Variants in SLC26A3 observed in about 807,000 individuals in gnomAD.
The protein encoded by SLC26A3 is solute carrier family 26 member 3, also known as chloride anion exchanger.
In SLC26A3, 64 loss-of-function variants were observed where a neutral mutation model predicts 85.6. The ratio of observed to expected loss-of-function variants is 0.75; its 90% CI spans 0.61 to 0.92. The LOEUF (loss-of-function observed/expected upper bound fraction) is 0.92. Ranked by LOEUF, SLC26A3 falls within the 40% of genes least tolerant of loss-of-function variation. The probability of loss-of-function intolerance (pLI) is 0.00; values close to 1 mark genes in which losing one functional copy is unlikely to be tolerated. For synonymous variants in SLC26A3, 349 were observed against 336.0 expected (o/e 1.04, Z -0.42); for missense variants, 922 against 927.3 (o/e 0.99, Z 0.07).
Position 107,767,805 on chromosome 7 carries a change from C to T in SLC26A3, c.2166G>A (p.Met722Ile). Residue 722 changes from methionine (M) to isoleucine (I), a missense_variant, in exon 19 of 21, where the codon ATG becomes ATA. Physicochemically the swap from Met to Ile is conservative, Grantham distance 10. Transcript: ENST00000340010. ...ACTTTGAAGTACTGTAATCTTTCTT[C>T]ATCAAAATATGCAAAACAGCATCAT... ...TIHDAVLHIL[M>I]KKDYSTSKFN... The T allele has an allele frequency of 6.2e-7, 1 of 1,613,736 alleles. No homozygotes were observed. Among genetic ancestry groups the T allele is most frequent in the Non-Finnish European group, 8.5e-7 (1 of 1,179,806 alleles).
intron 6 of SLC26A3, among the ~76,000 whole-genome samples, chr7:107,789,142 A>C (rs1334417110): frequency 7.9e-6 from 1 of 126,278 alleles, no homozygotes; most frequent in African/African-American, 3.0e-5. Flanking sequence ...TTGAGACAAG[A>C]GTCTCACTGT....
chr7:107,786,684 C>T (rs1274077387), intron 8 of SLC26A3, 143 bp downstream of exon 8: 4 of 780,310 alleles, frequency 5.1e-6, no homozygotes, highest in African/African-American at 1.7e-5. Flanking sequence ...AGCAGTGAGC[C>T]TTCCTTAGGG....
intron 1 of SLC26A3, among the ~76,000 whole-genome samples, chr7:107,797,941 C>A (rs1413631530): frequency 6.6e-6 from 1 of 151,934 alleles, no homozygotes; most frequent in African/African-American, 2.4e-5. Flanking sequence ...AATATTACGC[C>A]CATATTAATG....
Position 107,765,620 on chromosome 7 carries a change from CA to C in SLC26A3, c.*234del. 2.1e-6 allele frequency: 1 copy of C among 479,232 alleles called. No homozygotes were observed. Among genetic ancestry groups the C allele is most frequent in the Non-Finnish European group, 3.7e-6 (1 of 269,392 alleles). 29.7% of individuals were successfully genotyped at this position (479,232 alleles called of 1,614,324 possible). A position where few individuals can be genotyped will look rare whatever the true frequency, so the allele number is the denominator to read the frequency against. The stretch of plus-strand genomic sequence containing the variant: ...TCAGTGCTACAAAAATATGTATGAA[CA>C]AAATAATTTTCACCCTTTGATAAAG... On this transcript the variant is annotated 3_prime_UTR_variant, in exon 21 of 21. Coordinates refer to ENST00000340010, the MANE Select transcript of SLC26A3 (RefSeq NM_000111.3).
At chr7:107,771,305 C>T (rs569581923) in intron 18 of SLC26A3, among the ~76,000 whole-genome samples, 1 of 152,188 alleles carries the variant, frequency 6.6e-6, no homozygotes, top group South Asian at 2.1e-4. Context: ...CATCCACAGT[C>T]GAGTCCATTG....
chr7:107,795,787 G>A (rs10953548), intron 1 of SLC26A3, among the ~76,000 whole-genome samples: 67,786 of 151,624 alleles, frequency 0.45, 15,970 homozygotes, highest in African/African-American at 0.58. Context: ...TTGTTCCTCA[G>A]CTTCAATCAC....
At chr7:107,776,899 C>G (rs766143495) in intron 13 of SLC26A3, 193 bp from the exon 14 acceptor site, 54 of 644,772 alleles carry the variant, frequency 8.4e-5, no homozygotes, top group Non-Finnish European at 1.3e-4. Context: ...CTCACAGCAC[C>G]TGAAAAGTGC....
At chr7:107,778,371 T>TTTTTTTTTTA (rs1794156802) in intron 12 of SLC26A3, 90 bp from the exon 13 acceptor site, 1 of 866,072 alleles carries the variant, frequency 1.2e-6, no homozygotes, top group African/African-American at 1.8e-5. Flanking sequence ...TTTTTTTTTT[T>TTTTTTTTTTA]TTTTTTGTAG....
intron 1 of SLC26A3, among the ~76,000 whole-genome samples, chr7:107,797,499 A>ACAAAG (rs1794527214): frequency 1.3e-5 from 1 of 79,856 alleles, no homozygotes; most frequent in African/African-American, 5.5e-5. Flanking sequence ...GTCTCAAAAA[A>ACAAAG]TAAAGAAAAG....
intron 15 of SLC26A3, chr7:107,776,040 A>C: frequency 7.5e-6 from 2 of 268,278 alleles, no homozygotes; most frequent in Non-Finnish European, 1.4e-5. Flanking sequence ...ATTGTTATTC[A>C]GTATTAACTA....
At chr7:107,796,147 G>A (rs114230023) in intron 1 of SLC26A3, among the ~76,000 whole-genome samples, 509 of 151,792 alleles carry the variant, frequency 3.4e-3, no homozygotes, top group African/African-American at 0.011. Context: ...TCTCACTGTC[G>A]CTTGGGGTAG....
At chr7:107,776,007 T>A in intron 15 of SLC26A3, 1 of 229,074 alleles carries the variant, frequency 4.4e-6, no homozygotes, top group East Asian at 1.1e-4. Flanking sequence ...ATCTCTCCAG[T>A]TTGCCAGGGA....
chr7:107,802,059 T>A (rs998797908), intron 1 of SLC26A3, among the ~76,000 whole-genome samples: 1 of 142,782 alleles, frequency 7.0e-6, no homozygotes, highest in South Asian at 2.2e-4. Context: ...GCCACTGCAC[T>A]CCAGCCTGGG....
intron 8 of SLC26A3, 82 bp from the exon 9 acceptor site, chr7:107,783,434 T>C: frequency 6.7e-7 from 1 of 1,495,476 alleles, no homozygotes; most frequent in Non-Finnish European, 9.3e-7. Context: ...AATGAATGAA[T>C]GCAATCTAGG....
chr7:107,768,462 A>T (rs1793952535), intron 18 of SLC26A3, among the ~76,000 whole-genome samples: 1 of 152,212 alleles, frequency 6.6e-6, no homozygotes, highest in Non-Finnish European at 1.5e-5. Context: ...ACCAACTATT[A>T]CCTTATGTCT....
In SLC26A3 at chr7:107,791,917, C is replaced by T. The variant is rs150004100; in HGVS notation, c.295G>A (p.Asp99Asn). 74 of 1,612,912 alleles carry T rather than the reference C, an allele frequency of 4.6e-5. No homozygotes were observed. The highest frequency in any genetic ancestry group is 1.2e-4 in the Admixed American group (7 of 59,990). ...TACAACCCATAGACTGGGGGAATGTCGACCAGCAGAGCAAATGCTAAACCT... is the reference window on the plus strand; with the variant it reads ...TACAACCCATAGACTGGGGGAATGTTGACCAGCAGAGCAAATGCTAAACCT... ...LQGLAFALLVDIPPVYGLYAS... is the reference protein window; with the variant it reads ...LQGLAFALLVNIPPVYGLYAS... The change falls in exon 4 of 21, where the codon GAC becomes AAC. Residue 99 changes from aspartate (D) to asparagine (N), a missense_variant. Asp to Asn is a conservative substitution (Grantham distance 23). Transcript: ENST00000340010.
Position 107,789,635 on chromosome 7 carries a change from G to A in SLC26A3, c.624C>T (p.Ser208=). The A allele has an allele frequency of 3.1e-6, 5 of 1,613,974 alleles. No individual in the cohort carries two copies. The highest frequency in any genetic ancestry group is 4.2e-6 in the Non-Finnish European group (5 of 1,179,976). ...CAGCAGTAGTGAAGCCACTGATGAG[G>A]GACTCAGACAGGTATATCACTACAA... The part of the protein sequence containing the change: ...IGFVVIYLSE[S]LISGFTTAAA... The change falls in exon 6 of 21, where the codon TCC becomes TCT. Residue 208 remains serine (S), a synonymous_variant. Coordinates refer to ENST00000340010, the MANE Select transcript of SLC26A3 (RefSeq NM_000111.3).
chr7:107,786,701 G>A (rs933391195), intron 8 of SLC26A3, 126 bp downstream of exon 8: 5 of 816,762 alleles, frequency 6.1e-6, no homozygotes, highest in South Asian at 1.3e-5. Flanking sequence ...AGGGATGCAG[G>A]GTGCAGGGAG....
Position 107,765,590 on chromosome 7 carries a change from A to G in SLC26A3, c.*265T>C, listed in dbSNP as rs772326710. 15 of 423,502 alleles carry G rather than the reference A, an allele frequency of 3.5e-5. No individual in the cohort carries two copies. The highest frequency in any genetic ancestry group is 5.5e-5 in the Non-Finnish European group (13 of 235,398). The allele number at this position is 423,502 out of a possible 1,614,324, so 26.2% of individuals were successfully genotyped here. On this transcript the variant is annotated 3_prime_UTR_variant, in exon 21 of 21. Transcript: ENST00000340010. ...CATGAAGGTAGTGACTAGGATGGAA[A>G]TCTGTCAGTGCTACAAAAATATGTA...
Sources: gnomAD v4.1 joint callset for allele counts (sites outside exome capture counted in the v4.1 genomes callset) on GRCh38, gnomAD v4.1.1 for gene constraint, MANE v1.5 for transcripts, NCBI Gene and HGNC (gene_info 2026-07-23, HGNC 2026-07-21) for gene names.